The following ANXA8 variants were observed in gnomAD, a reference collection of about 807,000 sequenced individuals.
ANXA8 encodes the protein annexin A8.
Under a neutral mutation model 26.8 loss-of-function variants are expected in ANXA8, and 9 were observed. That is an observed-to-expected ratio of 0.34 (90% CI 0.20 to 0.59). ANXA8 has a LOEUF of 0.59. Ranked by LOEUF, ANXA8 falls within the 20% of genes least tolerant of loss-of-function variation. ANXA8 has a pLI of 0.84. For synonymous variants in ANXA8, 39 were observed against 94.8 expected, an observed-to-expected ratio of 0.41 and a Z score of 3.42; for missense variants, 83 against 238.5, an observed-to-expected ratio of 0.35 and a Z score of 4.29.
At chr10:47,944,747 C>G in the ANXA8 span, among the ~76,000 whole-genome samples, 1 of 150,562 alleles carries the variant, frequency 6.6e-6, no homozygotes. Flanking sequence ...AGAGGCCTCT[C>G]CAGCCATGTG....
the ANXA8 span, chr10:47,987,027 T>C: frequency 1.8e-6 from 1 of 544,396 alleles, no homozygotes; most frequent in East Asian, 3.0e-5. Context: ...AAAGGGGCCG[T>C]CCGGGGAGCA....
chr10:47,622,223 T>C, the ANXA8 span, among the ~76,000 whole-genome samples: 16 of 112,496 alleles, frequency 1.4e-4, 5 homozygotes, highest in Non-Finnish European at 1.4e-4. Context: ...CCCATAGTAC[T>C]ACCCGCTTTG....
At chr10:47,932,345 A>G in the ANXA8 span, among the ~76,000 whole-genome samples, 2 of 151,010 alleles carry the variant, frequency 1.3e-5, no homozygotes, top group African/African-American at 4.9e-5. Flanking sequence ...GCATCATGTC[A>G]GTCAGGCACT....
At chr10:47,681,523 C>CTTTTTTTTTTTTTT in the ANXA8 span, among the ~76,000 whole-genome samples, 68 of 81,176 alleles carry the variant, frequency 8.4e-4, no homozygotes, top group Non-Finnish European at 1.2e-3. Flanking sequence ...TTTATTTTTA[C>CTTTTTTTTTTTTTT]TTTTTTTTTT....
the ANXA8 span, among the ~76,000 whole-genome samples, chr10:47,566,784 G>A: frequency 2.3e-5 from 3 of 128,386 alleles, no homozygotes; most frequent in Non-Finnish European, 5.1e-5. Flanking sequence ...CAGAGCCCCA[G>A]TCCAGCCACT....
At chr10:47,696,375 T>A in the ANXA8 span, 4 of 1,114,868 alleles carry the variant, frequency 3.6e-6, no homozygotes, top group Admixed American at 7.8e-5. Flanking sequence ...ATTTATGGCA[T>A]GATCAGAATG....
chr10:47,652,943 T>C, the ANXA8 span, among the ~76,000 whole-genome samples: 3 of 151,362 alleles, frequency 2.0e-5, no homozygotes, highest in South Asian at 4.1e-4. Flanking sequence ...TTATATTATA[T>C]TTATAAAGAT....
At chr10:47,497,610 C>T in the ANXA8 span, among the ~76,000 whole-genome samples, 42 of 133,802 alleles carry the variant, frequency 3.1e-4, 1 homozygote, top group African/African-American at 1.2e-3. Context: ...CAAAAGCAAA[C>T]CTCCATCTCA....
the ANXA8 span, chr10:47,490,438 A>C: frequency 6.6e-6 from 1 of 151,622 alleles, no homozygotes; most frequent in African/African-American, 2.5e-5. Flanking sequence ...CGCTATCGCG[A>C]GTGTGGAGGC....
the ANXA8 span, among the ~76,000 whole-genome samples, chr10:47,621,843 ATCT>A: frequency 5.8e-5 from 6 of 103,032 alleles, 2 homozygotes; most frequent in Admixed American, 6.3e-4. Context: ...CGTGTTTAAA[ATCT>A]TCTTATTGAC....
chr10:47,985,185 G>A, the ANXA8 span, among the ~76,000 whole-genome samples: 1 of 148,896 alleles, frequency 6.7e-6, no homozygotes, highest in African/African-American at 2.5e-5. Flanking sequence ...TTTCATGGCC[G>A]AGTCAAATCA....
chr10:47,894,921 TCA>T, the ANXA8 span, among the ~76,000 whole-genome samples: 201 of 149,762 alleles, frequency 1.3e-3, no homozygotes, highest in African/African-American at 4.5e-3. Flanking sequence ...CATACACACA[TCA>T]CACACACCAC....
At chr10:47,647,927 C>T in the ANXA8 span, among the ~76,000 whole-genome samples, 2 of 151,800 alleles carry the variant, frequency 1.3e-5, no homozygotes, top group Non-Finnish European at 2.9e-5. Flanking sequence ...CATCTCGTGG[C>T]CACATACGGA....
At chr10:47,639,132 T>A in the ANXA8 span, among the ~76,000 whole-genome samples, 2 of 148,514 alleles carry the variant, frequency 1.3e-5, no homozygotes, top group African/African-American at 5.1e-5. Flanking sequence ...TTTTGTTTTT[T>A]TTCTTTTTCT....
the ANXA8 span, among the ~76,000 whole-genome samples, chr10:47,526,020 C>T: frequency 4.4e-5 from 6 of 137,464 alleles, 1 homozygote; most frequent in African/African-American, 1.4e-4. Flanking sequence ...ATCAGGCCCA[C>T]CTCAGCCTCC....
At chr10:47,945,171 C>G in the ANXA8 span, among the ~76,000 whole-genome samples, 7 of 149,994 alleles carry the variant, frequency 4.7e-5, no homozygotes, top group Admixed American at 1.3e-4. Context: ...CATGCCCTCA[C>G]TTGTGCTTCC....
At chr10:47,966,660 C>T in the ANXA8 span, among the ~76,000 whole-genome samples, 410 of 142,466 alleles carry the variant, frequency 2.9e-3, no homozygotes, top group African/African-American at 0.01. Context: ...ATACACTGGA[C>T]GCAGATGAGC....
At chr10:47,561,833 A>G in the ANXA8 span, among the ~76,000 whole-genome samples, 1 of 151,160 alleles carries the variant, frequency 6.6e-6, no homozygotes, top group Non-Finnish European at 1.5e-5. Flanking sequence ...GTAATAATAA[A>G]CGATATGAAG....
upstream of ANXA8, among the ~76,000 whole-genome samples, chr10:47,485,628 G>A (rs1162062662): frequency 3.9e-5 from 6 of 151,946 alleles, no homozygotes; most frequent in East Asian, 5.8e-4. Flanking sequence ...TCCAGCAAGA[G>A]AAATAGGGGA....
Sources: gnomAD v4.1 joint callset for allele counts (sites outside exome capture counted in the v4.1 genomes callset) on GRCh38, gnomAD v4.1.1 for gene constraint, MANE v1.5 for transcripts, NCBI Gene and HGNC (gene_info 2026-07-23, HGNC 2026-07-21) for gene names.